TG: variants seen among roughly 807,000 people sequenced by gnomAD.
The protein encoded by TG is thyroglobulin, also known as thyroid hormones.
Under a neutral mutation model 324.7 loss-of-function variants are expected in TG, and 270 were observed. The observed-to-expected ratio is 0.83, with a 90% CI of 0.75 to 0.92. The LOEUF (loss-of-function observed/expected upper bound fraction) is 0.92, where lower values mean the gene tolerates loss of function less well. Among genes scored for constraint, TG ranks in the 40% least tolerant of loss-of-function variants. The probability of loss-of-function intolerance (pLI) is 0.00; values close to 1 mark genes in which losing one functional copy is unlikely to be tolerated. For missense variants in TG, 3,591 were observed against 3,456.4 expected, an observed-to-expected ratio of 1.04 and a Z score of -0.98; for synonymous variants, 1,401 against 1,327.0, an observed-to-expected ratio of 1.06 and a Z score of -1.21.
intron 43 of TG, 139 bp from the exon 44 acceptor site, chr8:133,113,279 TCAGA>T (rs1437400165): frequency 2.3e-5 from 21 of 906,358 alleles, no homozygotes; most frequent in African/African-American, 5.0e-5. Flanking sequence ...GGATTCGAAC[TCAGA>T]CAGTCTGGCT....
chr8:133,120,928 A>G (rs760838589), intron 45 of TG, among the ~76,000 whole-genome samples: 9 of 152,200 alleles, frequency 5.9e-5, no homozygotes, highest in Admixed American at 4.6e-4. Flanking sequence ...CAATCCTAAC[A>G]GAGTGGAATC....
At chr8:132,939,160 C>G (rs567804912) in intron 25 of TG, among the ~76,000 whole-genome samples, 5 of 152,044 alleles carry the variant, frequency 3.3e-5, no homozygotes, top group African/African-American at 1.2e-4. Context: ...AGAGCAGCAC[C>G]GTCCAATGGA....
rs1226632023 is a variant in TG at position 132,967,920 on chromosome 8, G to A, written c.5813G>A (p.Gly1938Asp). 7 of 1,613,934 alleles carry A rather than the reference G, an allele frequency of 4.3e-6. No individual in the cohort carries two copies. Among genetic ancestry groups the A allele is most frequent in the Middle Eastern group, 3.3e-4 (2 of 6,044 alleles). Residue 1938 changes from glycine to aspartate, a missense_variant, in exon 31 of 48, where the codon GGC becomes GAC. Transcript: ENST00000220616. ...CDDIMESNAQ[G>D]CRLILPQMPK... is the part of the protein sequence containing the mutation. ...GACATCATGGAGTCCAATGCCCAGG[G>A]CTGCAGACTGATCCTGCCTCAGATG...
In TG at chr8:132,886,605, G is replaced by A. The variant is rs886062702; in HGVS notation, c.1233G>A (p.Thr411=). Reference sequence around the variant, plus strand: ...GATTTGCCACATCCTGCCCACCCACGATCAAGGAGCTCTTTGTGGACTCTG... The same window carrying A: ...GATTTGCCACATCCTGCCCACCCACAATCAAGGAGCTCTTTGTGGACTCTG... ...VARFATSCPP[T]IKELFVDSGL... The change falls in exon 9 of 48, where the codon ACG becomes ACA. Residue 411 remains threonine (T), a synonymous_variant. Transcript: ENST00000220616. 2 of 1,614,132 alleles carry A rather than the reference G, an allele frequency of 1.2e-6. No individual in the cohort carries two copies. Among genetic ancestry groups the A allele is most frequent in the East Asian group, 2.2e-5 (1 of 44,872 alleles).
intron 4 of TG, among the ~76,000 whole-genome samples, chr8:132,872,651 C>CAA (rs1357461407): frequency 1.3e-5 from 2 of 152,114 alleles, no homozygotes; most frequent in Non-Finnish European, 2.9e-5. Flanking sequence ...TCACCCGGAG[C>CAA]AACTGCCAGT....
intron 2 of TG, among the ~76,000 whole-genome samples, chr8:132,869,042 A>C (rs1345404553): frequency 6.6e-6 from 1 of 152,190 alleles, no homozygotes; most frequent in Non-Finnish European, 1.5e-5. Context: ...CCCTGCTTAG[A>C]TCACTGGGAA....
intron 16 of TG, among the ~76,000 whole-genome samples, chr8:132,902,493 T>G (rs760264185): frequency 2.0e-5 from 3 of 152,168 alleles, no homozygotes; most frequent in Non-Finnish European, 4.4e-5. Flanking sequence ...GAACCTGTGC[T>G]GTGTCCAAGG....
chr8:132,910,425 C>CT (rs758428892), intron 18 of TG, among the ~76,000 whole-genome samples: 34 of 152,322 alleles, frequency 2.2e-4, no homozygotes, highest in Admixed American at 8.5e-4. Flanking sequence ...TCCCCTTGGG[C>CT]TTTATGTAAA....
At chr8:133,129,499 C>CT (rs1157184003) in intron 45 of TG, among the ~76,000 whole-genome samples, 2 of 152,058 alleles carry the variant, frequency 1.3e-5, no homozygotes, top group Admixed American at 6.6e-5. Flanking sequence ...AATTATTAAA[C>CT]TTTTTTCTTT....
intron 41 of TG, among the ~76,000 whole-genome samples, chr8:133,061,672 A>G (rs1842386507): frequency 6.6e-6 from 1 of 152,210 alleles, no homozygotes; most frequent in Non-Finnish European, 1.5e-5. Context: ...CTCCAGCCCA[A>G]ATGGAAACTA....
intron 10 of TG, among the ~76,000 whole-genome samples, chr8:132,892,587 T>C (rs1333557636): frequency 6.6e-6 from 1 of 152,176 alleles, no homozygotes; most frequent in East Asian, 1.9e-4. Flanking sequence ...TTCCAGGTTG[T>C]GGAAAGAGCT....
intron 43 of TG, among the ~76,000 whole-genome samples, chr8:133,105,175 A>G (rs749000547): frequency 2.6e-5 from 4 of 152,154 alleles, no homozygotes; most frequent in Non-Finnish European, 5.9e-5. Flanking sequence ...CCAACCTGTG[A>G]TGTTACAACC....
intron 41 of TG, among the ~76,000 whole-genome samples, chr8:133,057,920 C>T (rs1841754668): frequency 6.6e-6 from 1 of 152,162 alleles, no homozygotes; most frequent in Non-Finnish European, 1.5e-5. Flanking sequence ...GATCCTTGTG[C>T]ACGGCCAGGG....
chr8:132,951,720 A>G (rs1183693096), intron 27 of TG, among the ~76,000 whole-genome samples: 1 of 152,218 alleles, frequency 6.6e-6, no homozygotes, highest in Non-Finnish European at 1.5e-5. Context: ...TGCCCTATAC[A>G]AAGGCTGAGT....
intron 43 of TG, chr8:133,102,500 G>A (rs1408084538): frequency 3.3e-6 from 5 of 1,529,112 alleles, no homozygotes; most frequent in Non-Finnish European, 4.4e-6. Flanking sequence ...ACCACCCCAG[G>A]CCACCTATGG....
chr8:133,075,563 G>A (rs1040316901), intron 41 of TG, among the ~76,000 whole-genome samples: 2 of 152,202 alleles, frequency 1.3e-5, no homozygotes, highest in African/African-American at 4.8e-5. Flanking sequence ...TAATAGTGTG[G>A]TTATGCGGGA....
intron 41 of TG, among the ~76,000 whole-genome samples, chr8:133,032,745 C>T (rs529710039): frequency 6.6e-6 from 1 of 152,300 alleles, no homozygotes; most frequent in Non-Finnish European, 1.5e-5. Context: ...CTCTGCAAAT[C>T]TTGGGGCCAG....
At chr8:132,954,246 G>A (rs72727440) in intron 27 of TG, among the ~76,000 whole-genome samples, 10,058 of 152,190 alleles carry the variant, frequency 0.066, 424 homozygotes, top group Non-Finnish European at 0.09. Flanking sequence ...AATAGGATGA[G>A]TCGTTTAAAA....
In TG at chr8:133,054,958, G is replaced by A. The variant is rs148192908; in HGVS notation, c.7239+24935G>A. Among the ~76,000 whole-genome samples the A allele has an allele frequency of 2.3e-3, 345 of 152,192 alleles. 1 individual carries two copies. The highest frequency in any genetic ancestry group is 6.3e-3 in the African/African-American group (263 of 41,536). On this transcript the variant is annotated intron_variant, in intron 41 of 47. Transcript: ENST00000220616. The stretch of plus-strand genomic sequence containing the variant: ...TTATAACTGTCTAATAAAACTAGTC[G>A]TTTGTCACTTCCAGTGCCCTGCCCA...
Sources: gnomAD v4.1 joint callset for allele counts (sites outside exome capture counted in the v4.1 genomes callset) on GRCh38, gnomAD v4.1.1 for gene constraint, MANE v1.5 for transcripts, NCBI Gene and HGNC (gene_info 2026-07-23, HGNC 2026-07-21) for gene names.